FAM180A: variants seen among roughly 807,000 people sequenced by gnomAD.
The protein encoded by FAM180A is family with sequence similarity 180 member A.
FAM180A carries 14 observed loss-of-function variants against 15.3 expected under a neutral mutation model. That is an observed-to-expected ratio of 0.92 (90% CI 0.61 to 1.43). The LOEUF (loss-of-function observed/expected upper bound fraction) is 1.43, where lower values mean the gene tolerates loss of function less well. Among genes scored for constraint, FAM180A ranks in the 40% most tolerant of loss-of-function variants. The pLI, the probability that FAM180A is intolerant of heterozygous loss-of-function variation, is 0.00. For missense variants in FAM180A, 200 were observed against 220.8 expected, an observed-to-expected ratio of 0.91 and a Z score of 0.60; for synonymous variants, 90 against 96.8, an observed-to-expected ratio of 0.93 and a Z score of 0.41.
Position 135,741,728 on chromosome 7 carries a change from G to A in FAM180A, c.77-4529C>T, listed in dbSNP as rs1796953453. Among the ~76,000 whole-genome samples the A allele has an allele frequency of 2.6e-5, 4 of 151,806 alleles. No homozygotes were observed. In the South Asian group the frequency reaches 6.2e-4, roughly 24 times the overall value. ...GGTCCCAGCTACTTGGGAGGCTGAG[G>A]CAGGAGGATCAACTGGGCCTGGGAG... On this transcript the variant is annotated intron_variant, in intron 1 of 3. Transcript: ENST00000338588.
intron 1 of FAM180A, among the ~76,000 whole-genome samples, chr7:135,737,785 G>GAAAAAT (rs1254431656): frequency 1.2e-4 from 19 of 152,084 alleles, no homozygotes; most frequent in African/African-American, 4.3e-4. Context: ...AAAAGAAAAA[G>GAAAAAT]AAAAAGGAAG....
chr7:135,737,329 C>T (rs1796886336), intron 1 of FAM180A, 130 bp from the exon 2 acceptor site: 5 of 667,112 alleles, frequency 7.5e-6, no homozygotes, highest in South Asian at 2.0e-5. Context: ...GCTCATGCCT[C>T]TAATTCCAGC....
At chr7:135,737,526 G>T (rs1796889042) in intron 1 of FAM180A, among the ~76,000 whole-genome samples, 1 of 146,236 alleles carries the variant, frequency 6.8e-6, no homozygotes, top group African/African-American at 2.6e-5. Context: ...GGTGGAGGTT[G>T]CAGTGAGCCG....
chr7:135,730,524 AAAAC>A (rs914729539), intron 3 of FAM180A, among the ~76,000 whole-genome samples: 26 of 152,180 alleles, frequency 1.7e-4, no homozygotes, highest in African/African-American at 3.9e-4. Flanking sequence ...GACTGTCCCA[AAAAC>A]AAACAAACAA....
intron 1 of FAM180A, among the ~76,000 whole-genome samples, chr7:135,744,147 T>C (rs1364358509): frequency 6.6e-6 from 1 of 152,152 alleles, no homozygotes; most frequent in South Asian, 2.1e-4. Context: ...TCCAATGGAG[T>C]AGCCTGCCTT....
intron 1 of FAM180A, among the ~76,000 whole-genome samples, chr7:135,738,605 G>T (rs1796904617): frequency 6.6e-6 from 1 of 152,212 alleles, no homozygotes; most frequent in Admixed American, 6.5e-5. Context: ...GCTATTAGAG[G>T]TACACAGGAC....
At chr7:135,734,978 T>C (rs568429931) in intron 2 of FAM180A, among the ~76,000 whole-genome samples, 1 of 152,348 alleles carries the variant, frequency 6.6e-6, no homozygotes, top group East Asian at 1.9e-4. Context: ...CTCAGCTCAC[T>C]GCAACCTCCA....
chr7:135,731,447 A>G (rs1292331903), intron 3 of FAM180A, among the ~76,000 whole-genome samples: 2 of 151,876 alleles, frequency 1.3e-5, no homozygotes, highest in Non-Finnish European at 2.9e-5. Context: ...GCAAAAGTCA[A>G]GCAGAAGAGT....
chr7:135,730,511 C>T (rs778335292), intron 3 of FAM180A, among the ~76,000 whole-genome samples: 3 of 151,996 alleles, frequency 2.0e-5, no homozygotes, highest in African/African-American at 4.8e-5. Flanking sequence ...GGTGACAGAG[C>T]GAGACTGTCC....
In FAM180A at chr7:135,733,894, T is replaced by A; in HGVS notation, c.*81A>T. The A allele has an allele frequency of 6.8e-7, 1 of 1,464,178 alleles. No individual in the cohort carries two copies. The highest frequency in any genetic ancestry group is 9.0e-7 in the Non-Finnish European group (1 of 1,107,144). 90.7% of individuals were successfully genotyped at this position (1,464,178 alleles called of 1,614,324 possible). Reference sequence around the variant, plus strand: ...AGCGGTAAGAGTTTTGTTGCTGGTCTCTGTAAATGGAGTAGAGAATGAAGA... The same window carrying A: ...AGCGGTAAGAGTTTTGTTGCTGGTCACTGTAAATGGAGTAGAGAATGAAGA... On this transcript the variant is annotated 3_prime_UTR_variant, in exon 3 of 4. Transcript: ENST00000338588.
rs376678969 is a variant in FAM180A, at chr7:135,729,839, C to T, written c.*772G>A. 3.1e-5 allele frequency: 26 copies of T among 844,708 alleles called. No homozygotes were observed. The African/African-American group carries it at 4.4e-4, about 14-fold the overall frequency. The allele number at this position is 844,708 out of a possible 1,614,324, so 52.3% of individuals were successfully genotyped here. On this transcript the variant is annotated 3_prime_UTR_variant, in exon 4 of 4. Coordinates refer to ENST00000338588, the MANE Select transcript of FAM180A (RefSeq NM_205855.4). ...GAAAGCAGAATAATGGTGCCAAGAG[C>T]TGGGGCAGGCAGGGGGAAGGGGAAA... is the stretch of plus-strand genomic sequence containing the variant.
chr7:135,746,880 A>G (rs1797038881), intron 1 of FAM180A, among the ~76,000 whole-genome samples: 1 of 152,204 alleles, frequency 6.6e-6, no homozygotes, highest in Non-Finnish European at 1.5e-5. Context: ...TGGGCAGATC[A>G]CTTGAGGTCA....
chr7:135,731,746 C>T (rs922107809), intron 3 of FAM180A, among the ~76,000 whole-genome samples: 4 of 152,200 alleles, frequency 2.6e-5, no homozygotes, highest in African/African-American at 9.7e-5. Context: ...CTGTGTTTTT[C>T]TCTGATGATG....
intron 1 of FAM180A, among the ~76,000 whole-genome samples, chr7:135,748,183 A>G (rs529867907): frequency 9.7e-4 from 148 of 152,250 alleles, no homozygotes; most frequent in South Asian, 2.1e-3. Context: ...GTCTGGCCCA[A>G]CTGCTGCAGG....
At chr7:135,738,892 A>G (rs1310473868) in intron 1 of FAM180A, among the ~76,000 whole-genome samples, 1 of 152,236 alleles carries the variant, frequency 6.6e-6, no homozygotes, top group Admixed American at 6.5e-5. Flanking sequence ...GGAGACTACA[A>G]GGTGTTGGCA....
At chr7:135,736,742 A>G (rs1174877051) in intron 2 of FAM180A, among the ~76,000 whole-genome samples, 2 of 152,202 alleles carry the variant, frequency 1.3e-5, no homozygotes, top group African/African-American at 2.4e-5. Context: ...CACCCAGACA[A>G]TGGCTTGGCA....
At chr7:135,730,575 T>C (rs1379580560) in intron 3 of FAM180A, among the ~76,000 whole-genome samples, 1 of 152,180 alleles carries the variant, frequency 6.6e-6, no homozygotes, top group Non-Finnish European at 1.5e-5. Flanking sequence ...TTTTAGATCC[T>C]AAAATTTGTC....
At position 135,734,217 on chromosome 7, in the gene FAM180A, T is replaced by G. The variant is rs567569920; in HGVS notation, c.280A>C (p.Asn94His). The G allele has an allele frequency of 1.2e-6, 2 of 1,614,226 alleles. No homozygotes were observed. The highest frequency in any genetic ancestry group is 1.7e-6 in the Non-Finnish European group (2 of 1,180,028). Residue 94 changes from asparagine (N) to histidine (H), a missense_variant, in exon 3 of 4, where the codon AAC (asparagine) becomes CAC (histidine). Coordinates refer to ENST00000338588, the MANE Select transcript of FAM180A (RefSeq NM_205855.4). ...GGGATGCTCTTGGGGATGACGTTGT[T>G]GCAGACGGTGCGGAAGTCTGAGGCC... Reference protein sequence around the residue: ...RKASDFRTVCNNVIPKSIPDI... With the variant: ...RKASDFRTVCHNVIPKSIPDI...
chr7:135,733,701 C>G lies in FAM180A; in HGVS notation c.*274G>C. The G allele has an allele frequency of 2.4e-6, 3 of 1,246,502 alleles. No homozygotes were observed. The highest frequency in any genetic ancestry group is 3.0e-6 in the Non-Finnish European group (3 of 994,742). The allele number at this position is 1,246,502 out of a possible 1,614,324, so 77.2% of individuals were successfully genotyped here. ...CTCTGGGTTGAAGCATATCAGAATT[C>G]TGCCTGCCATAGGCAAACCATTCTG... On this transcript the variant is annotated 3_prime_UTR_variant, in exon 3 of 4. Coordinates refer to ENST00000338588, the MANE Select transcript of FAM180A (RefSeq NM_205855.4).
Sources: allele counts gnomAD v4.1 joint callset (sites outside exome capture counted in the v4.1 genomes callset), GRCh38; gene constraint gnomAD v4.1.1; transcripts MANE v1.5; gene names NCBI Gene and HGNC (gene_info 2026-07-23, HGNC 2026-07-21).